The following CHL1 variants were observed in gnomAD, a reference collection of about 807,000 sequenced individuals.
CHL1 encodes neural cell adhesion molecule L1-like protein.
In CHL1, 96 loss-of-function variants were observed where a neutral mutation model predicts 141.9. The observed-to-expected ratio is 0.68, with a 90% confidence interval of 0.57 to 0.80. The LOEUF (loss-of-function observed/expected upper bound fraction) is 0.80, where lower values mean the gene tolerates loss of function less well. Ranked by LOEUF, CHL1 falls within the 30% of genes least tolerant of loss-of-function variation. The pLI is 0.00. For synonymous variants in CHL1, 613 were observed against 502.2 expected, an observed-to-expected ratio of 1.22 and a Z score of -2.95; for missense variants, 1,820 against 1,457.2, an observed-to-expected ratio of 1.25 and a Z score of -4.05.
intron 2 of CHL1, among the ~76,000 whole-genome samples, chr3:286,686 A>G (rs1338604902): frequency 1.3e-5 from 2 of 152,050 alleles, no homozygotes; most frequent in African/African-American, 2.4e-5. Flanking sequence ...GAACAGAAGC[A>G]TGAGCTACCC....
In CHL1 at chr3:328,139, G is replaced by T. The variant is rs139719983; in HGVS notation, c.198-28G>T. 1.7e-5 allele frequency: 27 copies of T among 1,553,564 alleles called. No individual in the cohort carries two copies. In the African/African-American group the frequency reaches 3.3e-4, roughly 19 times the overall value. ...CTAAACATATGTCATTATTTTTCAGGATTATTAAGTTCAGTTTTATGTTTT... is the reference window on the plus strand; with the variant it reads ...CTAAACATATGTCATTATTTTTCAGTATTATTAAGTTCAGTTTTATGTTTT... On this transcript the variant is annotated intron_variant, in intron 4 of 27. Coordinates refer to ENST00000256509, the MANE Select transcript of CHL1 (RefSeq NM_006614.4).
chr3:241,301 T>G (rs898341906), intron 1 of CHL1, among the ~76,000 whole-genome samples: 3 of 152,226 alleles, frequency 2.0e-5, no homozygotes, highest in African/African-American at 7.2e-5. Context: ...TCTTCCAGCA[T>G]GGCAAGCAAT....
At chr3:390,342 A>T (rs1415702466) in intron 20 of CHL1, among the ~76,000 whole-genome samples, 1 of 152,166 alleles carries the variant, frequency 6.6e-6, no homozygotes, top group Non-Finnish European at 1.5e-5. Context: ...ATATGCTCAA[A>T]TGTTAGCTGT....
At chr3:289,807 T>C (rs1697506593) in intron 2 of CHL1, among the ~76,000 whole-genome samples, 2 of 152,000 alleles carry the variant, frequency 1.3e-5, no homozygotes. Flanking sequence ...TTAATACATA[T>C]TGTATGCTCA....
chr3:378,354 G>A (rs556293988), intron 16 of CHL1, among the ~76,000 whole-genome samples: 28 of 152,152 alleles, frequency 1.8e-4, no homozygotes, highest in African/African-American at 6.3e-4. Context: ...TAAACCAAAG[G>A]CACAGACTGA....
chr3:368,092 T>A (rs1705140324), intron 15 of CHL1, among the ~76,000 whole-genome samples: 1 of 152,214 alleles, frequency 6.6e-6, no homozygotes, highest in Non-Finnish European at 1.5e-5. Flanking sequence ...GAATGATATA[T>A]ATTCTGTTGG....
chr3:253,311 C>T (rs895305928), intron 2 of CHL1, among the ~76,000 whole-genome samples: 1 of 151,992 alleles, frequency 6.6e-6, no homozygotes, highest in East Asian at 1.9e-4. Flanking sequence ...ACAGTTAATG[C>T]GAGTTAGGTT....
intron 3 of CHL1, among the ~76,000 whole-genome samples, chr3:324,911 G>C (rs116205177): frequency 0.012 from 1,769 of 151,940 alleles, 31 homozygotes; most frequent in African/African-American, 0.04. Context: ...TTTTAAAATT[G>C]TGTTTGTCTT....
chr3:311,833 T>C (rs2124987070), intron 2 of CHL1, among the ~76,000 whole-genome samples: 1 of 152,288 alleles, frequency 6.6e-6, no homozygotes, highest in Non-Finnish European at 1.5e-5. Flanking sequence ...AAATAGTCCC[T>C]ACAGGAATTT....
chr3:317,244 T>A (rs1700212407), intron 2 of CHL1, among the ~76,000 whole-genome samples: 1 of 151,936 alleles, frequency 6.6e-6, no homozygotes, highest in Non-Finnish European at 1.5e-5. Context: ...GACCATGCAT[T>A]TAAAACGATT....
chr3:220,045 A>C (rs193124352), intron 1 of CHL1, among the ~76,000 whole-genome samples: 1 of 152,228 alleles, frequency 6.6e-6, no homozygotes, highest in East Asian at 1.9e-4. Context: ...TCTTAAAAGC[A>C]TTATGCTAGG....
intron 2 of CHL1, among the ~76,000 whole-genome samples, chr3:250,943 A>G (rs555884903): frequency 5.3e-5 from 8 of 152,224 alleles, no homozygotes; most frequent in Admixed American, 3.3e-4. Flanking sequence ...GTTAAGAGCC[A>G]CAGGGTTGAA....
intron 2 of CHL1, among the ~76,000 whole-genome samples, chr3:299,509 A>G (rs139675074): frequency 1.2e-3 from 179 of 152,334 alleles, no homozygotes; most frequent in African/African-American, 4.1e-3. Flanking sequence ...GATAATAAAA[A>G]TAGCTACCAA....
chr3:292,387 C>T (rs1697769787), intron 2 of CHL1, among the ~76,000 whole-genome samples: 1 of 152,134 alleles, frequency 6.6e-6, no homozygotes, highest in African/African-American at 2.4e-5. Flanking sequence ...AGTATTTTTA[C>T]TTATGGAAAG....
intron 15 of CHL1, among the ~76,000 whole-genome samples, chr3:367,018 T>C (rs966799729): frequency 2.0e-5 from 3 of 152,348 alleles, no homozygotes; most frequent in East Asian, 1.9e-4. Context: ...AAGTACACCT[T>C]TGAGTCTTCC....
At chr3:269,056 G>C (rs1245857914) in intron 2 of CHL1, among the ~76,000 whole-genome samples, 1 of 152,156 alleles carries the variant, frequency 6.6e-6, no homozygotes, top group Non-Finnish European at 1.5e-5. Flanking sequence ...ATTTACTAAA[G>C]AGAGAAGCAA....
At chr3:281,016 T>C (rs1194014673) in intron 2 of CHL1, among the ~76,000 whole-genome samples, 1 of 152,064 alleles carries the variant, frequency 6.6e-6, no homozygotes, top group East Asian at 1.9e-4. Flanking sequence ...ACTGGGGTTA[T>C]TTTTTTCCCC....
intron 2 of CHL1, among the ~76,000 whole-genome samples, chr3:301,339 T>C (rs13093895): frequency 0.33 from 49,539 of 152,088 alleles, 8,432 homozygotes; most frequent in Middle Eastern, 0.47. Flanking sequence ...AAATTAGAAG[T>C]TCTGGCTGTA....
chr3:297,925 G>C (rs536430758), intron 2 of CHL1, among the ~76,000 whole-genome samples: 1 of 152,278 alleles, frequency 6.6e-6, no homozygotes, highest in African/African-American at 2.4e-5. Flanking sequence ...GCTGGATAAG[G>C]CTTCAAAATA....
Sources: gnomAD v4.1 joint callset for allele counts (sites outside exome capture counted in the v4.1 genomes callset) on GRCh38, gnomAD v4.1.1 for gene constraint, MANE v1.5 for transcripts, NCBI Gene and HGNC (gene_info 2026-07-23, HGNC 2026-07-21) for gene names.